The following MPP7 variants were observed in gnomAD, a reference collection of about 807,000 sequenced individuals.
MPP7 encodes the protein MAGUK p55 scaffold protein 7.
Under a neutral mutation model 76.5 loss-of-function variants are expected in MPP7, and 60 were observed. The ratio of observed to expected loss-of-function variants is 0.78; its 90% CI spans 0.64 to 0.97. The LOEUF (loss-of-function observed/expected upper bound fraction) is 0.97. Among genes scored for constraint, MPP7 ranks in the 50% least tolerant of loss-of-function variants. The pLI, the probability that MPP7 is intolerant of heterozygous loss-of-function variation, is 0.00. For synonymous variants in MPP7, 237 were observed against 244.5 expected (o/e 0.97, Z 0.29); for missense variants, 641 against 694.0 (o/e 0.92, Z 0.86).
intron 1 of MPP7, among the ~76,000 whole-genome samples, chr10:28,247,298 C>T (rs1318532103): frequency 6.6e-6 from 1 of 152,114 alleles, no homozygotes; most frequent in Non-Finnish European, 1.5e-5. Context: ...GGCCCTATAT[C>T]AGAGCTATCA....
At chr10:28,068,115 C>T (rs768725443) in intron 13 of MPP7, among the ~76,000 whole-genome samples, 1 of 151,692 alleles carries the variant, frequency 6.6e-6, no homozygotes, top group Non-Finnish European at 1.5e-5. Context: ...TAATTGCTCA[C>T]CTGTAAGCTT....
At chr10:28,082,995 G>A (rs1003131494) in intron 12 of MPP7, among the ~76,000 whole-genome samples, 1 of 152,154 alleles carries the variant, frequency 6.6e-6, no homozygotes, top group African/African-American at 2.4e-5. Flanking sequence ...TAGAAAGTAG[G>A]TGTTTTTATT....
At chr10:28,174,487 A>G (rs1470420142) in intron 3 of MPP7, among the ~76,000 whole-genome samples, 2 of 152,102 alleles carry the variant, frequency 1.3e-5, no homozygotes, top group Non-Finnish European at 2.9e-5. Context: ...TTTGCCTTCC[A>G]CTGAAAGTGG....
At chr10:28,322,298 TGAA>T (rs1834375584) in intron 2 of MPP7, among the ~76,000 whole-genome samples, 1 of 152,134 alleles carries the variant, frequency 6.6e-6, no homozygotes, top group Non-Finnish European at 1.5e-5. Context: ...GTTCCTGCTC[TGAA>T]GAAGTAGTAT....
At chr10:28,260,141 C>T (rs1380301700) in intron 1 of MPP7, among the ~76,000 whole-genome samples, 1 of 152,160 alleles carries the variant, frequency 6.6e-6, no homozygotes, top group Admixed American at 6.5e-5. Context: ...TTTATAAATA[C>T]TGTTACAATA....
intron 1 of MPP7, among the ~76,000 whole-genome samples, chr10:28,285,426 C>A (rs776408365): frequency 6.6e-5 from 10 of 152,122 alleles, no homozygotes; most frequent in Non-Finnish European, 1.5e-4. Context: ...CTAAGATGAT[C>A]CGTCCACCTC....
intron 2 of MPP7, among the ~76,000 whole-genome samples, chr10:28,207,827 A>G (rs1223531253): frequency 6.6e-6 from 1 of 152,210 alleles, no homozygotes; most frequent in Non-Finnish European, 1.5e-5. Context: ...CCCAAGGTGG[A>G]AAGGCAGTTA....
At position 28,262,277 on chromosome 10, in the gene MPP7, A is replaced by AT. The variant is rs1195166638; in HGVS notation, c.-131-23543dup. Among the ~76,000 whole-genome samples, 14 of 54,330 alleles carry AT rather than the reference A, an allele frequency of 2.6e-4. 1 individual carries two copies. The highest frequency in any genetic ancestry group is 4.2e-4 in the African/African-American group (5 of 12,044). 35.6% of individuals were successfully genotyped at this position (54,330 alleles called of 152,430 possible). ...TATATATGTATATATATATATATAT[A>AT]TTTTTTTTTTTTTCTTCACCATGTT... On this transcript the variant is annotated intron_variant, in intron 1 of 16. Transcript: ENST00000683449.
chr10:28,276,522 A>G (rs1483247550), intron 1 of MPP7, among the ~76,000 whole-genome samples: 1 of 152,134 alleles, frequency 6.6e-6, no homozygotes, highest in African/African-American at 2.4e-5. Context: ...AATTACATAA[A>G]GACAAACAGA....
intron 12 of MPP7, among the ~76,000 whole-genome samples, chr10:28,076,510 C>A (rs1852488001): frequency 6.6e-6 from 1 of 151,776 alleles, no homozygotes; most frequent in South Asian, 2.1e-4. Context: ...ATAACGCAAA[C>A]CCAATTATAT....
chr10:28,222,474 ACT>A (rs1233116384), intron 2 of MPP7, among the ~76,000 whole-genome samples: 1 of 151,710 alleles, frequency 6.6e-6, no homozygotes, highest in Admixed American at 6.6e-5. Context: ...ACAGAGTGAG[ACT>A]CTGTCTCAAA....
chr10:28,149,611 G>A (rs1008982748), intron 4 of MPP7, among the ~76,000 whole-genome samples: 5 of 151,854 alleles, frequency 3.3e-5, no homozygotes, highest in African/African-American at 1.2e-4. Flanking sequence ...TCATTTTTTA[G>A]TACTGTCAGC....
chr10:28,327,231 TA>T (rs59442840), intron 2 of MPP7, among the ~76,000 whole-genome samples: 19,102 of 95,388 alleles, frequency 0.2, 1,439 homozygotes, highest in East Asian at 0.44. Flanking sequence ...GTCAAAGAAG[TA>T]AAAAAAAAAA....
intron 7 of MPP7, among the ~76,000 whole-genome samples, 164 bp downstream of exon 7, chr10:28,124,817 CAAGAAGACCATAGAGTAATGTTTATCTAT>C (rs1191811627): frequency 6.6e-6 from 1 of 152,072 alleles, no homozygotes; most frequent in Non-Finnish European, 1.5e-5. Flanking sequence ...TGCTTGTGTA[CAAGAAGACCATAGAGTAATGTTTATCTAT>C]CATTTATTTA....
chr10:28,128,627 T>C (rs970862844), intron 6 of MPP7, among the ~76,000 whole-genome samples: 1 of 152,152 alleles, frequency 6.6e-6, no homozygotes, highest in Non-Finnish European at 1.5e-5. Context: ...TCAACTTCTT[T>C]TGGCTGAGCA....
chr10:28,121,103 G>C (rs1834822056), intron 8 of MPP7, among the ~76,000 whole-genome samples: 1 of 152,026 alleles, frequency 6.6e-6, no homozygotes, highest in Non-Finnish European at 1.5e-5. Flanking sequence ...AAGCCCAGGA[G>C]TTCAAGACCA....
intron 6 of MPP7, among the ~76,000 whole-genome samples, chr10:28,128,011 G>A (rs982332539): frequency 2.0e-5 from 3 of 152,172 alleles, no homozygotes; most frequent in African/African-American, 7.2e-5. Context: ...TGTGGCTGGA[G>A]CCCAGTAGCA....
chr10:28,214,170 G>T (rs1320399943), intron 2 of MPP7, among the ~76,000 whole-genome samples: 1 of 152,106 alleles, frequency 6.6e-6, no homozygotes. Flanking sequence ...GTAATAATCT[G>T]CTGTAAACCT....
intron 3 of MPP7, among the ~76,000 whole-genome samples, chr10:28,165,962 T>C (rs560403191): frequency 6.8e-6 from 1 of 146,132 alleles, no homozygotes; most frequent in East Asian, 2.0e-4. Flanking sequence ...GAGGCAGAGG[T>C]TGCAGTGAGC....
Sources: allele counts gnomAD v4.1 joint callset (sites outside exome capture counted in the v4.1 genomes callset), GRCh38; gene constraint gnomAD v4.1.1; transcripts MANE v1.5; gene names NCBI Gene and HGNC (gene_info 2026-07-23, HGNC 2026-07-21).